NBAS: variants seen among roughly 807,000 people sequenced by gnomAD.
NBAS encodes the protein NAG/BC035112 fusion.
A neutral mutation model predicts 302.5 loss-of-function variants in NBAS; 219 were observed. That is an observed-to-expected ratio of 0.72 (90% CI 0.65 to 0.81). The LOEUF is 0.81. Among genes scored for constraint, NBAS ranks in the 30% least tolerant of loss-of-function variants. NBAS has a pLI of 0.00. For synonymous variants in NBAS, 1,118 were observed against 1,021.6 expected, an observed-to-expected ratio of 1.09 and a Z score of -1.80; for missense variants, 2,932 against 2,841.6, an observed-to-expected ratio of 1.03 and a Z score of -0.72.
At chr2:14,918,330 A>AAT in the NBAS span, among the ~76,000 whole-genome samples, 2,240 of 147,916 alleles carry the variant, frequency 0.015, 77 homozygotes, top group African/African-American at 0.038. Context: ...AAAAAAAAAA[A>AAT]CAATGTAATG....
intron 11 of NBAS, among the ~76,000 whole-genome samples, chr2:15,491,082 C>T (rs1178328046): frequency 6.6e-6 from 1 of 152,196 alleles, no homozygotes; most frequent in Non-Finnish European, 1.5e-5. Flanking sequence ...CTTCTTCCCT[C>T]TTGATAGGGT....
chr2:15,166,418 C>T (rs912122526), downstream of NBAS, among the ~76,000 whole-genome samples: 1 of 152,066 alleles, frequency 6.6e-6, no homozygotes. Context: ...CTGGCTATGC[C>T]CTGAAGGTCA....
the NBAS span, among the ~76,000 whole-genome samples, chr2:14,990,746 C>T: frequency 1.3e-5 from 2 of 152,118 alleles, no homozygotes; most frequent in African/African-American, 2.4e-5. Context: ...ACTGTAGGTG[C>T]ACTCCACCAC....
downstream of NBAS, among the ~76,000 whole-genome samples, chr2:15,164,498 G>A (rs1485479681): frequency 6.6e-6 from 1 of 152,218 alleles, no homozygotes; most frequent in African/African-American, 2.4e-5. Flanking sequence ...AGGCCTCCCA[G>A]TGCTCACACT....
the NBAS span, among the ~76,000 whole-genome samples, chr2:14,913,381 A>AAG: frequency 3.3e-4 from 50 of 152,260 alleles, no homozygotes; most frequent in Middle Eastern, 3.4e-3. Context: ...AAGGATTAGG[A>AAG]AGAGTTAGGT....
At chr2:15,388,665 C>T (rs1483948035) in intron 28 of NBAS, among the ~76,000 whole-genome samples, 1 of 152,012 alleles carries the variant, frequency 6.6e-6, no homozygotes, top group Non-Finnish European at 1.5e-5. Flanking sequence ...AATATGTACA[C>T]CAGAAGACAG....
chr2:14,906,284 A>C, the NBAS span, among the ~76,000 whole-genome samples: 1 of 152,158 alleles, frequency 6.6e-6, no homozygotes, highest in Admixed American at 6.5e-5. Flanking sequence ...GTAACTCTAA[A>C]CAGTAGGTGC....
At chr2:14,980,257 A>G in the NBAS span, among the ~76,000 whole-genome samples, 1 of 152,144 alleles carries the variant, frequency 6.6e-6, no homozygotes, top group African/African-American at 2.4e-5. Context: ...CAGCCAGGCA[A>G]AGACCACCTC....
the NBAS span, among the ~76,000 whole-genome samples, chr2:14,848,119 G>A: frequency 0.21 from 32,051 of 151,794 alleles, 5,506 homozygotes; most frequent in African/African-American, 0.47. Flanking sequence ...AGCTCCCAGC[G>A]TGAGCGACGC....
At chr2:14,893,104 C>T in the NBAS span, among the ~76,000 whole-genome samples, 3 of 152,132 alleles carry the variant, frequency 2.0e-5, no homozygotes, top group Non-Finnish European at 2.9e-5. Flanking sequence ...GATTCTTCAG[C>T]TTTTCTACTT....
chr2:14,825,736 G>A, the NBAS span, among the ~76,000 whole-genome samples: 1 of 152,116 alleles, frequency 6.6e-6, no homozygotes, highest in African/African-American at 2.4e-5. Flanking sequence ...TTGTTAAATT[G>A]GGGGAAAGGT....
chr2:15,215,868 G>A (rs1182113541), intron 48 of NBAS, among the ~76,000 whole-genome samples: 1 of 152,138 alleles, frequency 6.6e-6, no homozygotes. Flanking sequence ...GCCCACTAGT[G>A]CCCTGATCTT....
chr2:15,424,800 C>G (rs1677387877), intron 22 of NBAS, among the ~76,000 whole-genome samples: 1 of 152,160 alleles, frequency 6.6e-6, no homozygotes, highest in Non-Finnish European at 1.5e-5. Context: ...CAGCTGGGTG[C>G]TTACCGCAGG....
chr2:15,478,858 C>T (rs1299408974), intron 12 of NBAS, among the ~76,000 whole-genome samples: 3 of 152,152 alleles, frequency 2.0e-5, no homozygotes, highest in African/African-American at 7.2e-5. Context: ...AATATAACAG[C>T]ACATTGATAT....
Position 15,548,362 on chromosome 2 carries a change from C to G in NBAS, c.379+3131G>C, listed in dbSNP as rs78890948. ...ATCAACAATTAAAAAAGAAATCAGG[C>G]AAGGCACAGTGGCTCATGCCTGTAA... On this transcript the variant is annotated intron_variant, in intron 6 of 51. Transcript: ENST00000281513. Among the ~76,000 whole-genome samples the G allele has an allele frequency of 6.1e-3, 929 of 152,290 alleles. 10 individuals carry two copies. Among genetic ancestry groups the G allele is most frequent in the African/African-American group, 0.02 (845 of 41,556 alleles).
At chr2:15,356,008 A>C (rs1033041108) in intron 33 of NBAS, among the ~76,000 whole-genome samples, 7 of 152,234 alleles carry the variant, frequency 4.6e-5, no homozygotes, top group African/African-American at 1.7e-4. Flanking sequence ...TAACAAATAC[A>C]GGAAATGGCA....
intron 28 of NBAS, 121 bp downstream of exon 28, chr2:15,394,106 C>T: frequency 9.2e-7 from 1 of 1,085,918 alleles, no homozygotes; most frequent in Non-Finnish European, 1.3e-6. Flanking sequence ...ATTATACTTA[C>T]ACTTTAAATA....
At chr2:14,960,497 G>T in the NBAS span, among the ~76,000 whole-genome samples, 1 of 152,056 alleles carries the variant, frequency 6.6e-6, no homozygotes, top group Admixed American at 6.6e-5. Context: ...TCACAATATC[G>T]CTGTGAGACA....
the NBAS span, among the ~76,000 whole-genome samples, chr2:15,143,026 T>C: frequency 6.6e-6 from 1 of 152,238 alleles, no homozygotes; most frequent in Non-Finnish European, 1.5e-5. Context: ...CAGTATTCTC[T>C]AGACTACTCA....
Sources: allele counts gnomAD v4.1 joint callset (sites outside exome capture counted in the v4.1 genomes callset), GRCh38; gene constraint gnomAD v4.1.1; transcripts MANE v1.5; gene names NCBI Gene and HGNC (gene_info 2026-07-23, HGNC 2026-07-21).